Variants in CTNNA3 observed in about 807,000 individuals in gnomAD.
CTNNA3 encodes the protein catenin alpha-3.
A neutral mutation model predicts 95.7 loss-of-function variants in CTNNA3; 76 were observed. The ratio of observed to expected loss-of-function variants is 0.79; its 90% CI spans 0.66 to 0.96. CTNNA3 has a LOEUF of 0.96. CTNNA3 is among the 40% of genes least tolerant of loss of function. CTNNA3 has a pLI of 0.00. For synonymous variants in CTNNA3, 431 were observed against 374.4 expected (o/e 1.15, Z -1.74); for missense variants, 1,191 against 1,089.8 (o/e 1.09, Z -1.31).
chr10:66,543,994 T>C (rs1464595585), intron 10 of CTNNA3, among the ~76,000 whole-genome samples: 2 of 83,518 alleles, frequency 2.4e-5, no homozygotes, highest in Admixed American at 2.6e-4. Flanking sequence ...TCTATCTCCT[T>C]TTGAGCTAAA....
intron 1 of CTNNA3, among the ~76,000 whole-genome samples, chr10:67,651,278 C>T (rs1357811301): frequency 6.6e-6 from 1 of 152,074 alleles, no homozygotes; most frequent in African/African-American, 2.4e-5. Flanking sequence ...ATGTTTAAGT[C>T]TTTTTTATTT....
intron 9 of CTNNA3, among the ~76,000 whole-genome samples, chr10:66,752,036 T>G (rs1332871692): frequency 6.6e-6 from 1 of 152,180 alleles, no homozygotes. Flanking sequence ...TAAACTAATA[T>G]AACGATTCAA....
At chr10:66,621,591 CAAA>C (rs111590769) in intron 10 of CTNNA3, 98 bp downstream of exon 10, 262 of 488,570 alleles carry the variant, frequency 5.4e-4, no homozygotes, top group South Asian at 1.0e-3. Context: ...GACCTGGTCT[CAAA>C]AAAAAAAAAA....
chr10:67,742,266 G>C lies in CTNNA3; in HGVS notation c.-2+21168C>G, dbSNP rs986042590. Among the ~76,000 whole-genome samples, 3 of 151,218 alleles carry C rather than the reference G, an allele frequency of 2.0e-5. No homozygotes were observed. The Admixed American group carries it at 2.0e-4, about 10-fold the overall frequency. ...ATAGTTGGAAGTAAAGCACTCCTCA[G>C]CAAATGTAAAAGAACAGAAATTATA... On this transcript the variant is annotated intron_variant, in intron 1 of 17. Transcript: ENST00000684154.
At chr10:67,464,739 G>A (rs1013829559) in intron 5 of CTNNA3, among the ~76,000 whole-genome samples, 2 of 152,002 alleles carry the variant, frequency 1.3e-5, no homozygotes, top group African/African-American at 2.4e-5. Context: ...AGGACACTTT[G>A]TCCCCAAGAA....
At chr10:67,556,703 C>G (rs1432098204) in intron 3 of CTNNA3, among the ~76,000 whole-genome samples, 1 of 152,098 alleles carries the variant, frequency 6.6e-6, no homozygotes, top group Non-Finnish European at 1.5e-5. Flanking sequence ...TTCAAAAAAC[C>G]AGCTCCTGGA....
intron 12 of CTNNA3, among the ~76,000 whole-genome samples, chr10:66,358,109 A>G (rs529386700): frequency 6.6e-6 from 1 of 152,082 alleles, no homozygotes; most frequent in South Asian, 2.1e-4. Context: ...TTCATTCTTG[A>G]TATTAATAAT....
At chr10:66,301,059 C>G (rs2091855451) in intron 12 of CTNNA3, among the ~76,000 whole-genome samples, 1 of 152,008 alleles carries the variant, frequency 6.6e-6, no homozygotes, top group Non-Finnish European at 1.5e-5. Flanking sequence ...CCTATACTCA[C>G]AAATATGATA....
At chr10:66,206,656 A>G (rs2131935847) in intron 13 of CTNNA3, among the ~76,000 whole-genome samples, 1 of 151,918 alleles carries the variant, frequency 6.6e-6, no homozygotes, top group Admixed American at 6.6e-5. Flanking sequence ...CCATATATTA[A>G]TTAATTTGCA....
At chr10:67,029,114 A>C (rs548847200) in intron 7 of CTNNA3, among the ~76,000 whole-genome samples, 1 of 152,246 alleles carries the variant, frequency 6.6e-6, no homozygotes, top group Admixed American at 6.5e-5. Context: ...ATCTTTCTTT[A>C]TGTCTCTCTA....
At chr10:67,451,548 A>G (rs953049910) in intron 5 of CTNNA3, among the ~76,000 whole-genome samples, 2 of 152,160 alleles carry the variant, frequency 1.3e-5, no homozygotes, top group Admixed American at 1.3e-4. Flanking sequence ...TGAAAGAGGA[A>G]ATACATCTAG....
chr10:67,700,920 G>C (rs551465659), upstream of CTNNA3, among the ~76,000 whole-genome samples: 1 of 152,302 alleles, frequency 6.6e-6, no homozygotes, highest in African/African-American at 2.4e-5. Context: ...CCAATACAGA[G>C]AAGTGCTTAA....
intron 14 of CTNNA3, among the ~76,000 whole-genome samples, chr10:66,099,095 G>A (rs2081512312): frequency 1.3e-5 from 2 of 152,142 alleles, no homozygotes; most frequent in Admixed American, 6.5e-5. Context: ...ACAGTGCCTG[G>A]TTCTAGCGCA....
At chr10:66,061,835 A>G (rs1294698921) in intron 15 of CTNNA3, among the ~76,000 whole-genome samples, 1 of 151,894 alleles carries the variant, frequency 6.6e-6, no homozygotes, top group Non-Finnish European at 1.5e-5. Flanking sequence ...TTCTCCACAA[A>G]CTCTCTCTCT....
chr10:66,066,507 G>GGCC (rs1179061416), intron 15 of CTNNA3, among the ~76,000 whole-genome samples: 2 of 152,084 alleles, frequency 1.3e-5, no homozygotes, highest in Non-Finnish European at 2.9e-5. Context: ...TGCAGAAATT[G>GGCC]AACCATGGGC....
chr10:66,414,857 A>C (rs1190102613), intron 11 of CTNNA3, among the ~76,000 whole-genome samples: 1 of 152,066 alleles, frequency 6.6e-6, no homozygotes, highest in African/African-American at 2.4e-5. Context: ...TCCCCAGCAA[A>C]CTGCACACTA....
At chr10:67,721,538 A>T in intron 1 of CTNNA3, among the ~76,000 whole-genome samples, 1 of 152,042 alleles carries the variant, frequency 6.6e-6, no homozygotes, top group Admixed American at 6.5e-5. Context: ...TAAACTGCTT[A>T]TTCTAGTTAG....
chr10:67,330,250 T>G (rs529562439), intron 5 of CTNNA3, among the ~76,000 whole-genome samples: 3 of 152,264 alleles, frequency 2.0e-5, no homozygotes, highest in East Asian at 3.9e-4. Flanking sequence ...CTCCTGCATG[T>G]TTCCCAAAAC....
intron 5 of CTNNA3, among the ~76,000 whole-genome samples, chr10:67,488,961 C>A (rs1848554530): frequency 6.6e-6 from 1 of 152,192 alleles, no homozygotes; most frequent in South Asian, 2.1e-4. Context: ...GTCTCGAACT[C>A]CTGAGCTCAG....
Sources: allele counts gnomAD v4.1 joint callset (sites outside exome capture counted in the v4.1 genomes callset), GRCh38; gene constraint gnomAD v4.1.1; transcripts MANE v1.5; gene names NCBI Gene and HGNC (gene_info 2026-07-23, HGNC 2026-07-21).